DCPH1: variants seen among roughly 807,000 people sequenced by gnomAD.
The protein encoded by DCPH1 is damage-control phosphatase 1.
chr6:151,464,691 C>T, the DCPH1 span: 15 of 949,378 alleles, frequency 1.6e-5, no homozygotes, highest in Admixed American at 2.5e-4. Flanking sequence ...GTTAACAAAA[C>T]ATGTAAATAT....
chr6:151,466,659 C>T, the DCPH1 span, among the ~76,000 whole-genome samples: 3 of 152,234 alleles, frequency 2.0e-5, no homozygotes, highest in African/African-American at 7.2e-5. Context: ...ATTCTAGGTG[C>T]TGGGCACGTA....
At chr6:151,459,436 A>G in the DCPH1 span, among the ~76,000 whole-genome samples, 1 of 152,202 alleles carries the variant, frequency 6.6e-6, no homozygotes, top group African/African-American at 2.4e-5. Context: ...ACATGTTTCA[A>G]AGTAACTTTT....
At chr6:151,467,307 C>T in the DCPH1 span, among the ~76,000 whole-genome samples, 1 of 147,958 alleles carries the variant, frequency 6.8e-6, no homozygotes, top group African/African-American at 2.5e-5. Flanking sequence ...TATTTTAAAT[C>T]ACAAATGAGG....
chr6:151,455,632 A>G, the DCPH1 span, among the ~76,000 whole-genome samples: 2 of 152,228 alleles, frequency 1.3e-5, no homozygotes, highest in African/African-American at 2.4e-5. Flanking sequence ...GATGGAACAT[A>G]CAATTGGGTT....
chr6:151,468,482 T>G, the DCPH1 span: 1 of 1,613,678 alleles, frequency 6.2e-7, no homozygotes, highest in Non-Finnish European at 8.5e-7. Context: ...TGGTCATTGC[T>G]TAGCAATTGC....
chr6:151,469,202 C>CTCTG, the DCPH1 span: 5 of 1,066,080 alleles, frequency 4.7e-6, no homozygotes, highest in South Asian at 8.2e-5. Flanking sequence ...CGCCTGGCGG[C>CTCTG]TCTGTACGCG....
At chr6:151,457,732 T>C in the DCPH1 span, among the ~76,000 whole-genome samples, 1 of 151,474 alleles carries the variant, frequency 6.6e-6, no homozygotes, top group Admixed American at 6.7e-5. Context: ...TTTTATTATA[T>C]ACGTGTCTTA....
At chr6:151,458,226 G>A in the DCPH1 span, 1 of 1,412,388 alleles carries the variant, frequency 7.1e-7, no homozygotes, top group African/African-American at 1.4e-5. Context: ...ATGTAGTTTT[G>A]AACATTTTTC....
the DCPH1 span, among the ~76,000 whole-genome samples, chr6:151,460,051 G>A: frequency 2.4e-4 from 37 of 152,052 alleles, no homozygotes; most frequent in African/African-American, 8.7e-4. Context: ...ACACACACAC[G>A]TATATATTTT....
At chr6:151,463,339 C>T in the DCPH1 span, among the ~76,000 whole-genome samples, 4 of 152,142 alleles carry the variant, frequency 2.6e-5, no homozygotes, top group Non-Finnish European at 5.9e-5. Flanking sequence ...TATTTTTACT[C>T]ATTTTTGATT....
the DCPH1 span, chr6:151,468,542 A>G: frequency 6.2e-7 from 1 of 1,613,894 alleles, no homozygotes; most frequent in African/African-American, 1.3e-5. Context: ...ATTGTTCTCG[A>G]TAATTCTGGA....
the DCPH1 span, chr6:151,452,750 G>A: frequency 1.6e-6 from 1 of 628,700 alleles, no homozygotes; most frequent in Non-Finnish European, 2.6e-6. Flanking sequence ...GACTGGCTCG[G>A]AGGCGAAGGG....
chr6:151,459,048 A>G, the DCPH1 span, among the ~76,000 whole-genome samples: 1 of 152,148 alleles, frequency 6.6e-6, no homozygotes, highest in African/African-American at 2.4e-5. Context: ...GAGGAATGGG[A>G]ATTGCTTGAA....
chr6:151,454,716 C>G, the DCPH1 span: 1 of 783,820 alleles, frequency 1.3e-6, no homozygotes, highest in South Asian at 1.6e-5. Context: ...ATAAATAGTT[C>G]TTGAAGGTAT....
the DCPH1 span, chr6:151,468,917 A>T: frequency 6.2e-7 from 1 of 1,614,098 alleles, no homozygotes; most frequent in South Asian, 1.1e-5. Flanking sequence ...GGTGACAGAA[A>T]ATGGGAGTTT....
the DCPH1 span, among the ~76,000 whole-genome samples, chr6:151,461,610 G>A: frequency 6.6e-6 from 1 of 152,188 alleles, no homozygotes; most frequent in Admixed American, 6.5e-5. Context: ...GGTGGAGGTT[G>A]CAGTGAGCCG....
At chr6:151,468,878 AG>A in the DCPH1 span, 1 of 1,613,954 alleles carries the variant, frequency 6.2e-7, no homozygotes, top group African/African-American at 1.3e-5. Flanking sequence ...ATTTTATTCA[AG>A]GGTGATTTGA....
the DCPH1 span, chr6:151,454,672 T>C: frequency 8.1e-7 from 1 of 1,230,332 alleles, no homozygotes; most frequent in Non-Finnish European, 1.2e-6. Context: ...TGTTTTAACT[T>C]TTAATTTTTT....
the DCPH1 span, chr6:151,452,796 T>G: frequency 1.8e-6 from 1 of 549,320 alleles, no homozygotes; most frequent in African/African-American, 2.0e-5. Flanking sequence ...CCGCGGCGGC[T>G]GCTCGTAAGG....
Sources: allele counts gnomAD v4.1 joint callset (sites outside exome capture counted in the v4.1 genomes callset), GRCh38; gene constraint gnomAD v4.1.1; transcripts MANE v1.5; gene names NCBI Gene and HGNC (gene_info 2026-07-23, HGNC 2026-07-21).